The following GALNT12 variants were observed in gnomAD, a reference collection of about 807,000 sequenced individuals.
GALNT12 encodes UDP-GalNAc:polypeptide N-acetylgalactosaminyltransferase 12.
A neutral mutation model predicts 55.5 loss-of-function variants in GALNT12; 45 were observed. The observed-to-expected ratio is 0.81, with a 90% CI of 0.64 to 1.04. The LOEUF (loss-of-function observed/expected upper bound fraction) is 1.04, where lower values mean the gene tolerates loss of function less well. Ranked by LOEUF, GALNT12 falls within the 50% of genes least tolerant of loss-of-function variation. The probability of loss-of-function intolerance (pLI) is 0.00; values close to 1 mark genes in which losing one functional copy is unlikely to be tolerated. For missense variants in GALNT12, 709 were observed against 754.8 expected (o/e 0.94, Z 0.71); for synonymous variants, 304 against 312.2 (o/e 0.97, Z 0.28).
intron 3 of GALNT12, among the ~76,000 whole-genome samples, chr9:98,828,648 A>G (rs997616795): frequency 6.6e-6 from 1 of 152,188 alleles, no homozygotes; most frequent in African/African-American, 2.4e-5. Context: ...AATACCTGGG[A>G]AACTTTAAAA....
intron 1 of GALNT12, among the ~76,000 whole-genome samples, chr9:98,813,270 T>C (rs1053998772): frequency 1.3e-5 from 2 of 152,264 alleles, no homozygotes; most frequent in Non-Finnish European, 2.9e-5. Flanking sequence ...ATTATTCCCT[T>C]GTCATCTGGT....
intron 3 of GALNT12, among the ~76,000 whole-genome samples, chr9:98,829,819 T>C (rs1390655654): frequency 6.6e-6 from 1 of 152,242 alleles, no homozygotes; most frequent in Non-Finnish European, 1.5e-5. Flanking sequence ...TTTTTACGGA[T>C]GAATAGTACT....
At position 98,808,068 on chromosome 9, in the gene GALNT12, C is replaced by T; in HGVS notation, c.370C>T (p.Leu124=). 2 of 1,575,872 alleles carry T rather than the reference C, an allele frequency of 1.3e-6. No individual in the cohort carries two copies. Among genetic ancestry groups the T allele is most frequent in the Middle Eastern group, 2.0e-4 (1 of 4,966 alleles). Reference sequence around the variant, plus strand: ...CCGCCTGCCCGAGCGCTGGAACCCGCTGTGAGTGCACAGCTCTGGGGAGGA... The same window carrying T: ...CCGCCTGCCCGAGCGCTGGAACCCGTTGTGAGTGCACAGCTCTGGGGAGGA... ...HRRLPERWNP[L]CKEKKYDYDN... Residue 124 remains leucine (L), a splice_region_variant and synonymous_variant, in exon 1 of 10, where the codon CTG becomes TTG. Coordinates refer to ENST00000375011, the MANE Select transcript of GALNT12 (RefSeq NM_024642.5).
intron 4 of GALNT12, among the ~76,000 whole-genome samples, chr9:98,833,611 G>A (rs1226887325): frequency 2.6e-5 from 4 of 152,176 alleles, no homozygotes; most frequent in Non-Finnish European, 5.9e-5. Context: ...GGTGGGCACT[G>A]TGGATTCCAG....
At chr9:98,839,597 A>C (rs1836237821) in intron 6 of GALNT12, among the ~76,000 whole-genome samples, 1 of 152,240 alleles carries the variant, frequency 6.6e-6, no homozygotes. Context: ...AAGTCATGGC[A>C]TATGTTTCGG....
At chr9:98,839,064 A>G (rs1380940414) in intron 6 of GALNT12, among the ~76,000 whole-genome samples, 1 of 151,872 alleles carries the variant, frequency 6.6e-6, no homozygotes, top group African/African-American at 2.4e-5. Flanking sequence ...CCAGCACCAT[A>G]GAGTAGAAAC....
At chr9:98,848,150 A>T (rs193302697) in intron 9 of GALNT12, among the ~76,000 whole-genome samples, 4 of 152,102 alleles carry the variant, frequency 2.6e-5, no homozygotes, top group African/African-American at 9.7e-5. Flanking sequence ...AACCTCTGAA[A>T]TGTCATTTCT....
At chr9:98,832,970 A>G (rs1035640499) in intron 4 of GALNT12, among the ~76,000 whole-genome samples, 8 of 152,124 alleles carry the variant, frequency 5.3e-5, no homozygotes, top group African/African-American at 1.7e-4. Flanking sequence ...TCTTTTGGGT[A>G]TACACCTAGG....
chr9:98,828,356 C>T (rs777565947), intron 3 of GALNT12, among the ~76,000 whole-genome samples: 8 of 152,214 alleles, frequency 5.3e-5, no homozygotes, highest in Non-Finnish European at 1.5e-5. Flanking sequence ...TTCGAGGCTC[C>T]TCTGGCCTGT....
intron 9 of GALNT12, 58 bp downstream of exon 9, chr9:98,846,181 T>C: frequency 6.3e-7 from 1 of 1,595,016 alleles, no homozygotes; most frequent in African/African-American, 1.3e-5. Context: ...AGGGAGAGTG[T>C]GAGAGTCAGA....
At chr9:98,809,430 C>T (rs543451666) in intron 1 of GALNT12, among the ~76,000 whole-genome samples, 93 of 152,366 alleles carry the variant, frequency 6.1e-4, no homozygotes, top group Non-Finnish European at 9.7e-4. Flanking sequence ...GGAGGGGAAG[C>T]TTTCAGGTTA....
chr9:98,832,145 T>A (rs944128391), intron 4 of GALNT12, among the ~76,000 whole-genome samples, 188 bp downstream of exon 4: 1 of 152,230 alleles, frequency 6.6e-6, no homozygotes, highest in African/African-American at 2.4e-5. Flanking sequence ...CAATTTTATA[T>A]CGGTATATTT....
At chr9:98,842,809 A>AT (rs980917309) in intron 7 of GALNT12, among the ~76,000 whole-genome samples, 3 of 104,192 alleles carry the variant, frequency 2.9e-5, no homozygotes, top group African/African-American at 1.5e-4. Flanking sequence ...TAACCATATT[A>AT]AAAAAAAAGT....
At chr9:98,820,765 T>G (rs1019413126) in intron 1 of GALNT12, among the ~76,000 whole-genome samples, 1 of 152,162 alleles carries the variant, frequency 6.6e-6, no homozygotes, top group Non-Finnish European at 1.5e-5. Flanking sequence ...CATCTGTTGT[T>G]TCTTGACTTT....
chr9:98,846,173 G>T (rs1259850402), intron 9 of GALNT12, 50 bp downstream of exon 9: 1 of 1,607,422 alleles, frequency 6.2e-7, no homozygotes, highest in Non-Finnish European at 8.5e-7. Flanking sequence ...GGGCTATAAG[G>T]GAGAGTGTGA....
rs559917493 is a variant in GALNT12, at chr9:98,832,493, G to A, written c.917+536G>A. On this transcript the variant is annotated intron_variant, in intron 4 of 9. Coordinates refer to ENST00000375011, the MANE Select transcript of GALNT12 (RefSeq NM_024642.5). ...ATGATCACGCAATTGTACTGCAGCC[G>A]GGCGATAGAGTGACACCCTGTCTCT... Among the ~76,000 whole-genome samples the A allele has an allele frequency of 1.8e-4, 28 of 152,192 alleles. 1 individual carries two copies. The East Asian group carries it at 3.1e-3, about 17-fold the overall frequency.
chr9:98,848,913 T>C, intron 9 of GALNT12, 39 bp from the exon 10 acceptor site: 1 of 1,613,726 alleles, frequency 6.2e-7, no homozygotes, highest in Non-Finnish European at 8.5e-7. Flanking sequence ...AAAAGAGACT[T>C]TTCTGATGAC....
At chr9:98,812,841 G>T (rs757873413) in intron 1 of GALNT12, among the ~76,000 whole-genome samples, 1 of 151,594 alleles carries the variant, frequency 6.6e-6, no homozygotes, top group Non-Finnish European at 1.5e-5. Context: ...TCTAACCTTA[G>T]TGGTAAATTT....
intron 1 of GALNT12, among the ~76,000 whole-genome samples, chr9:98,815,518 A>G (rs1327687522): frequency 6.6e-6 from 1 of 152,240 alleles, no homozygotes; most frequent in African/African-American, 2.4e-5. Flanking sequence ...ATTGAACCTC[A>G]TAAAACAGAA....
Sources: allele counts gnomAD v4.1 joint callset (sites outside exome capture counted in the v4.1 genomes callset), GRCh38; gene constraint gnomAD v4.1.1; transcripts MANE v1.5; gene names NCBI Gene and HGNC (gene_info 2026-07-23, HGNC 2026-07-21).